The following GABRB3 variants were observed in gnomAD, a reference collection of about 807,000 sequenced individuals.
GABRB3 encodes the protein gamma-aminobutyric acid receptor subunit beta-3.
Under a neutral mutation model 52.1 loss-of-function variants are expected in GABRB3, and 14 were observed. The observed-to-expected ratio is 0.27, with a 90% CI of 0.18 to 0.42. GABRB3 has a LOEUF of 0.42. GABRB3 is among the 10% of genes least tolerant of loss of function. The probability of loss-of-function intolerance (pLI) is 1.00; values close to 1 mark genes in which losing one functional copy is unlikely to be tolerated. For synonymous variants in GABRB3, 260 were observed against 232.3 expected (o/e 1.12, Z -1.08); for missense variants, 307 against 609.1 (o/e 0.50, Z 5.22).
chr15:26,636,598 C>T (rs1566786071), intron 3 of GABRB3, among the ~76,000 whole-genome samples: 1 of 152,204 alleles, frequency 6.6e-6, no homozygotes, highest in African/African-American at 2.4e-5. Flanking sequence ...TGATCCTGAT[C>T]ATTCCATCTA....
intron 4 of GABRB3, among the ~76,000 whole-genome samples, chr15:26,584,905 G>C (rs1890924102): frequency 6.6e-6 from 1 of 152,210 alleles, no homozygotes; most frequent in African/African-American, 2.4e-5. Context: ...GGCCTGAGTT[G>C]AAAGGCAGAG....
chr15:26,663,522 C>A (rs1306146729), intron 3 of GABRB3, among the ~76,000 whole-genome samples: 2 of 152,174 alleles, frequency 1.3e-5, no homozygotes, highest in Non-Finnish European at 2.9e-5. Context: ...CATAGTCATG[C>A]CTGCTTTTTT....
intron 8 of GABRB3, among the ~76,000 whole-genome samples, chr15:26,554,330 A>G (rs1360181600): frequency 6.7e-6 from 1 of 150,092 alleles, no homozygotes; most frequent in African/African-American, 2.4e-5. Flanking sequence ...CACCTGGCCT[A>G]AACACAGTTT....
rs1017330020 is a variant in GABRB3, at chr15:26,554,174, A to T, written c.1081-6040T>A. 2.0e-3 allele frequency among the ~76,000 whole-genome samples: 55 copies of T among 27,560 alleles called. 2 individuals carry two copies. Among genetic ancestry groups the T allele is most frequent in the East Asian group, 0.011 (2 of 178 alleles). 18.1% of individuals were successfully genotyped at this position (27,560 alleles called of 152,430 possible). ...TATATATATAAAGTATATATATATA[A>T]AGTATATATATATATACTATATATA... is the stretch of plus-strand genomic sequence containing the variant. On this transcript the variant is annotated intron_variant, in intron 8 of 8. Coordinates refer to ENST00000311550, the MANE Select transcript of GABRB3 (RefSeq NM_000814.6).
At chr15:26,625,260 C>G (rs1359079768) in intron 3 of GABRB3, among the ~76,000 whole-genome samples, 1 of 152,078 alleles carries the variant, frequency 6.6e-6, no homozygotes, top group African/African-American at 2.4e-5. Flanking sequence ...AGAGTCAGGT[C>G]ATGCAGGGGG....
chr15:26,677,494 CG>C (rs1463510444), intron 3 of GABRB3, among the ~76,000 whole-genome samples: 1 of 152,054 alleles, frequency 6.6e-6, no homozygotes, highest in African/African-American at 2.4e-5. Flanking sequence ...CTTCTCCACC[CG>C]GGAGACACCA....
Position 26,547,490 on chromosome 15 carries a change from CT to C in GABRB3, c.*302del, listed in dbSNP as rs1329439149. The stretch of plus-strand genomic sequence containing the variant: ...CAATTAAAAAAGAAAAAAACTATGA[CT>C]TTCTTTAATATGCATCCTGTGGTAA... On this transcript the variant is annotated 3_prime_UTR_variant, in exon 9 of 9. Transcript: ENST00000311550. 4 of 484,986 alleles carry C rather than the reference CT, an allele frequency of 8.2e-6. No individual in the cohort carries two copies. Among genetic ancestry groups the C allele is most frequent in the African/African-American group, 7.8e-5 (4 of 51,130 alleles). The allele number at this position is 484,986 out of a possible 1,614,324, so 30.0% of individuals were successfully genotyped here. A position where few individuals can be genotyped will look rare whatever the true frequency, so the allele number is the denominator to read the frequency against.
chr15:26,631,294 C>A (rs562799034), intron 3 of GABRB3, among the ~76,000 whole-genome samples: 1 of 152,312 alleles, frequency 6.6e-6, no homozygotes, highest in South Asian at 2.1e-4. Flanking sequence ...GACATATAAA[C>A]AACAAAGTTT....
intron 3 of GABRB3, among the ~76,000 whole-genome samples, chr15:26,682,942 C>T (rs564619705): frequency 2.0e-5 from 3 of 152,206 alleles, no homozygotes; most frequent in Admixed American, 6.5e-5. Flanking sequence ...CCAGGAGCTC[C>T]TGCAGCTGTG....
intron 3 of GABRB3, among the ~76,000 whole-genome samples, chr15:26,734,115 C>T (rs974355367): frequency 6.0e-5 from 9 of 150,534 alleles, no homozygotes; most frequent in South Asian, 2.1e-4. Flanking sequence ...ACACAACCTC[C>T]GCCTCCTGGG....
chr15:26,629,238 C>A, intron 3 of GABRB3: 4 of 1,369,762 alleles, frequency 2.9e-6, no homozygotes, highest in Non-Finnish European at 3.8e-6. Context: ...AGGAGGGCAG[C>A]GCGGAAGCTT....
At chr15:26,772,178 G>C (rs1012550358) in intron 3 of GABRB3, 4 of 464,882 alleles carry the variant, frequency 8.6e-6, no homozygotes, top group African/African-American at 2.1e-5. Flanking sequence ...CCCGCAGGAA[G>C]GGTGCGCCCT....
intron 3 of GABRB3, among the ~76,000 whole-genome samples, chr15:26,742,062 C>G (rs1890222403): frequency 6.6e-6 from 1 of 151,454 alleles, no homozygotes; most frequent in Non-Finnish European, 1.5e-5. Context: ...TTATACTGGC[C>G]CCTTATGCAC....
chr15:26,560,615 G>A (rs995785520), intron 8 of GABRB3, among the ~76,000 whole-genome samples: 3 of 152,150 alleles, frequency 2.0e-5, no homozygotes, highest in Admixed American at 6.6e-5. Flanking sequence ...CCGGGCCAGG[G>A]TCAATGTGCA....
intron 4 of GABRB3, among the ~76,000 whole-genome samples, chr15:26,591,742 C>T (rs548720524): frequency 6.6e-6 from 1 of 152,312 alleles, no homozygotes; most frequent in South Asian, 2.1e-4. Context: ...CTAATTATGG[C>T]ACTTGGGGGT....
At chr15:26,626,094 G>A (rs1390281709) in intron 3 of GABRB3, among the ~76,000 whole-genome samples, 3 of 152,018 alleles carry the variant, frequency 2.0e-5, no homozygotes, top group Non-Finnish European at 4.4e-5. Flanking sequence ...TCATATTTTG[G>A]TAATTTTCAC....
intron 3 of GABRB3, among the ~76,000 whole-genome samples, chr15:26,643,861 C>G (rs1395037785): frequency 6.6e-6 from 1 of 152,188 alleles, no homozygotes; most frequent in Non-Finnish European, 1.5e-5. Context: ...CGGATCCTTC[C>G]CTTTTCCAAT....
intron 3 of GABRB3, among the ~76,000 whole-genome samples, chr15:26,709,680 G>C (rs762655291): frequency 6.6e-6 from 1 of 151,806 alleles, no homozygotes; most frequent in Non-Finnish European, 1.5e-5. Flanking sequence ...ACCACGCCCA[G>C]CTAATTTTTT....
intron 8 of GABRB3, among the ~76,000 whole-genome samples, chr15:26,556,393 C>A (rs774224350): frequency 2.0e-5 from 3 of 152,176 alleles, no homozygotes; most frequent in Non-Finnish European, 4.4e-5. Flanking sequence ...GGACTTGCCA[C>A]GTGAAGAATG....
Sources: gnomAD v4.1 joint callset for allele counts (sites outside exome capture counted in the v4.1 genomes callset) on GRCh38, gnomAD v4.1.1 for gene constraint, MANE v1.5 for transcripts, NCBI Gene and HGNC (gene_info 2026-07-23, HGNC 2026-07-21) for gene names.